The following CDH22 variants were observed in gnomAD, a reference collection of about 807,000 sequenced individuals.
CDH22 encodes the protein cadherin 22, also known as cadherin-22.
CDH22 carries 30 observed loss-of-function variants against 58.4 expected under a neutral mutation model. The observed-to-expected ratio is 0.51, with a 90% confidence interval of 0.38 to 0.70. The LOEUF (loss-of-function observed/expected upper bound fraction) is 0.70. Ranked by LOEUF, CDH22 falls within the 30% of genes least tolerant of loss-of-function variation. The pLI is 0.00. For missense variants in CDH22, 1,014 were observed against 1,233.9 expected (o/e 0.82, Z 2.67); for synonymous variants, 513 against 558.2 (o/e 0.92, Z 1.14).
Position 46,293,792 on chromosome 20 carries a change from G to T in CDH22, c.-400+14463C>A, listed in dbSNP as rs138248411. On this transcript the variant is annotated intron_variant, in intron 1 of 11. Transcript: ENST00000537909. ...AGCACTTTCGAAGGCCAAGGCGGGCGTATCACGAGGTCAGGAGTTTGAGAC... is the reference window on the plus strand; with the variant it reads ...AGCACTTTCGAAGGCCAAGGCGGGCTTATCACGAGGTCAGGAGTTTGAGAC... Among the ~76,000 whole-genome samples, 573 of 152,268 alleles carry T rather than the reference G, an allele frequency of 3.8e-3. 8 individuals are homozygous for T. Among genetic ancestry groups the T allele is most frequent in the Admixed American group, 0.023 (345 of 15,300 alleles).
At chr20:46,207,550 G>C (rs545731986) in intron 7 of CDH22, among the ~76,000 whole-genome samples, 14 of 152,348 alleles carry the variant, frequency 9.2e-5, no homozygotes, top group African/African-American at 3.1e-4. Flanking sequence ...GGGTGGAAGG[G>C]AGTGGAGGAG....
intron 1 of CDH22, among the ~76,000 whole-genome samples, chr20:46,257,839 G>A (rs903807265): frequency 2.0e-5 from 3 of 152,146 alleles, no homozygotes; most frequent in African/African-American, 7.2e-5. Flanking sequence ...TAAATGCTGG[G>A]GGACCACAGC....
intron 7 of CDH22, among the ~76,000 whole-genome samples, chr20:46,208,793 A>G (rs1600697361): frequency 6.6e-6 from 1 of 152,092 alleles, no homozygotes; most frequent in South Asian, 2.1e-4. Context: ...GGGTTTCACC[A>G]TGTTGGTCAG....
chr20:46,241,396 C>T lies in CDH22; in HGVS notation c.256-139G>A. 1.3e-6 allele frequency: 1 copy of T among 748,764 alleles called. No homozygotes were observed. Among genetic ancestry groups the T allele is most frequent in the South Asian group, 1.9e-5 (1 of 52,986 alleles). 46.4% of individuals were successfully genotyped at this position (748,764 alleles called of 1,614,324 possible). ...CACATCTTTAGTGAGGACACTGAGG[C>T]CCAGCAGCCACGCTCACTTCCATCC... is the stretch of plus-strand genomic sequence containing the variant. On this transcript the variant is annotated intron_variant, in intron 2 of 11. Coordinates refer to ENST00000537909, the MANE Select transcript of CDH22 (RefSeq NM_021248.3). This position sits in a 1 kb window ranked among gnomAD's most constrained non-coding sequence, Gnocchi z 5.2.
At chr20:46,198,639 A>C (rs935899694) in intron 8 of CDH22, among the ~76,000 whole-genome samples, 2 of 152,174 alleles carry the variant, frequency 1.3e-5, no homozygotes, top group East Asian at 3.9e-4. Context: ...CCTCTCCCCA[A>C]ATGCCTCCAA....
At chr20:46,262,429 G>A (rs973183442) in intron 1 of CDH22, among the ~76,000 whole-genome samples, 7 of 152,054 alleles carry the variant, frequency 4.6e-5, no homozygotes, top group African/African-American at 1.2e-4. Context: ...GCTATATGTC[G>A]AACATGCTGC....
Position 46,210,485 on chromosome 20 carries a change from C to A in CDH22, c.1108G>T (p.Ala370Ser). Reference sequence around the variant, plus strand: ...TGGTCGCGGAACGTGCCCAGGTCGGCGAAGCGGGGGTCCACGAACTTGTTG... The same window carrying A: ...TGGTCGCGGAACGTGCCCAGGTCGGAGAAGCGGGGGTCCACGAACTTGTTG... ...ALNKFVDPRF[A>S]DLGTFRDQAI... The change falls in exon 7 of 12, where the codon GCC (alanine) becomes TCC (serine). Residue 370 changes from alanine (A) to serine (S), a missense_variant. Transcript: ENST00000537909. This position sits in a 1 kb window ranked among gnomAD's most constrained non-coding sequence, Gnocchi z 4.5. The A allele has an allele frequency of 7.0e-7, 1 of 1,430,896 alleles. No homozygotes were observed. Among genetic ancestry groups the A allele is most frequent in the South Asian group, 1.6e-5 (1 of 64,190 alleles). 88.6% of individuals were successfully genotyped at this position (1,430,896 alleles called of 1,614,324 possible).
chr20:46,263,128 TC>T (rs1568677479), intron 1 of CDH22, among the ~76,000 whole-genome samples: 2 of 152,216 alleles, frequency 1.3e-5, no homozygotes, highest in Non-Finnish European at 1.5e-5. Context: ...TTGCTCTCTG[TC>T]CTTCAGCTCA....
At chr20:46,186,030 C>A in intron 10 of CDH22, among the ~76,000 whole-genome samples, 1 of 151,802 alleles carries the variant, frequency 6.6e-6, no homozygotes, top group South Asian at 2.1e-4. Flanking sequence ...CTGGGCAATA[C>A]GGCAAAAATC....
intron 1 of CDH22, among the ~76,000 whole-genome samples, chr20:46,289,052 C>A (rs1312801046): frequency 2.0e-5 from 3 of 152,190 alleles, no homozygotes; most frequent in African/African-American, 4.8e-5. Flanking sequence ...CTTCTCTGAC[C>A]TTTTCCTACT....
At chr20:46,225,455 T>TGTGTA (rs1292888737) in intron 4 of CDH22, among the ~76,000 whole-genome samples, 2 of 152,124 alleles carry the variant, frequency 1.3e-5, no homozygotes, top group Non-Finnish European at 2.9e-5. Context: ...AGGCAAGCCG[T>TGTGTA]GTGTATAGTG....
chr20:46,286,594 C>T (rs2086577843), intron 1 of CDH22, among the ~76,000 whole-genome samples: 2 of 152,138 alleles, frequency 1.3e-5, no homozygotes, highest in South Asian at 2.1e-4. Flanking sequence ...GCCCCCGATC[C>T]GCCGATCCCC....
At chr20:46,288,846 T>G (rs957045582) in intron 1 of CDH22, among the ~76,000 whole-genome samples, 5 of 152,156 alleles carry the variant, frequency 3.3e-5, no homozygotes, top group African/African-American at 1.2e-4. Context: ...GCCACCATCA[T>G]CTCTCACCTG....
intron 1 of CDH22, among the ~76,000 whole-genome samples, chr20:46,301,170 TA>T (rs2145785702): frequency 6.6e-6 from 1 of 152,158 alleles, no homozygotes; most frequent in African/African-American, 2.4e-5. Flanking sequence ...CTTTCATATA[TA>T]AAAAGGTACA....
chr20:46,256,856 AT>A (rs1319442637), intron 1 of CDH22, among the ~76,000 whole-genome samples: 1 of 152,058 alleles, frequency 6.6e-6, no homozygotes, highest in Non-Finnish European at 1.5e-5. Flanking sequence ...ATTTAAAAAA[AT>A]TAGCCAGGAA....
intron 3 of CDH22, among the ~76,000 whole-genome samples, 196 bp from the exon 4 acceptor site, chr20:46,227,823 C>T (rs2086190308): frequency 1.3e-5 from 2 of 152,162 alleles, no homozygotes; most frequent in Admixed American, 6.5e-5. Context: ...TTTCTGGTGG[C>T]GCAAGTGTGA....
chr20:46,235,912 T>C (rs996761608), intron 3 of CDH22, among the ~76,000 whole-genome samples: 3 of 152,186 alleles, frequency 2.0e-5, no homozygotes, highest in African/African-American at 7.2e-5. Flanking sequence ...AAACCTCTGC[T>C]CTCCATCTCA....
At chr20:46,226,527 C>T (rs1327156453) in intron 4 of CDH22, among the ~76,000 whole-genome samples, 1 of 152,080 alleles carries the variant, frequency 6.6e-6, no homozygotes, top group Non-Finnish European at 1.5e-5. Flanking sequence ...AAGCAATCCT[C>T]CCACCTTGGC....
rs1335951452 is a variant in CDH22 at position 46,208,561 on chromosome 20, CTTTAT to C, written c.1286+1741_1286+1745del. 1.5e-4 allele frequency among the ~76,000 whole-genome samples: 23 copies of C among 151,744 alleles called. No individual in the cohort carries two copies. The East Asian group carries it at 3.5e-3, about 23-fold the overall frequency. ...CTGTTTTTCTGCCTCTTTTTTCAGT[CTTTAT>C]TTTTATTTTTTAGTTTATTTTAATT... On this transcript the variant is annotated intron_variant, in intron 7 of 11. Transcript: ENST00000537909.
Sources: allele counts gnomAD v4.1 joint callset (sites outside exome capture counted in the v4.1 genomes callset), GRCh38; gene constraint gnomAD v4.1.1; non-coding constraint Gnocchi (gnomAD v3.1); transcripts MANE v1.5; gene names NCBI Gene and HGNC (gene_info 2026-07-23, HGNC 2026-07-21).